PDCL2: variants seen among roughly 807,000 people sequenced by gnomAD.
The protein encoded by PDCL2 is phosducin-like protein 2.
Under a neutral mutation model 30.3 loss-of-function variants are expected in PDCL2, and 23 were observed. The ratio of observed to expected loss-of-function variants is 0.76; its 90% CI spans 0.55 to 1.08. The LOEUF (loss-of-function observed/expected upper bound fraction) is 1.08, where lower values mean the gene tolerates loss of function less well. PDCL2 is among the 50% of genes least tolerant of loss of function. PDCL2 has a pLI of 0.00. For missense variants in PDCL2, 243 were observed against 282.3 expected (o/e 0.86, Z 1.00); for synonymous variants, 68 against 86.2 (o/e 0.79, Z 1.17).
intron 1 of PDCL2, among the ~76,000 whole-genome samples, chr4:55,590,130 G>T (rs1732961346): frequency 7.0e-6 from 1 of 141,880 alleles, no homozygotes; most frequent in Non-Finnish European, 1.5e-5. Flanking sequence ...CCGGGAGGTG[G>T]AGGTTGCAGT....
intron 4 of PDCL2, among the ~76,000 whole-genome samples, chr4:55,565,576 T>TTTA (rs1732239960): frequency 6.6e-6 from 1 of 152,092 alleles, no homozygotes; most frequent in Non-Finnish European, 1.5e-5. Flanking sequence ...ATGATTAAAT[T>TTTA]ACCTCCCGCC....
At chr4:55,566,260 G>A (rs1360739172) in intron 4 of PDCL2, among the ~76,000 whole-genome samples, 1 of 151,682 alleles carries the variant, frequency 6.6e-6, no homozygotes, top group Non-Finnish European at 1.5e-5. Flanking sequence ...GGGATTACAG[G>A]CATGAGCCAC....
intron 5 of PDCL2, among the ~76,000 whole-genome samples, chr4:55,559,595 A>G (rs987413255): frequency 2.0e-5 from 3 of 152,214 alleles, no homozygotes; most frequent in African/African-American, 7.2e-5. Flanking sequence ...AGAAGACCAG[A>G]TAGTTCTTTT....
chr4:55,567,899 C>G (rs1262775111), intron 4 of PDCL2, among the ~76,000 whole-genome samples: 1 of 152,144 alleles, frequency 6.6e-6, no homozygotes. Context: ...TGTGCCCCAG[C>G]CTCTTCCTTT....
intron 1 of PDCL2, among the ~76,000 whole-genome samples, chr4:55,591,551 T>A (rs554412089): frequency 3.5e-4 from 53 of 152,254 alleles, no homozygotes; most frequent in African/African-American, 1.2e-3. Flanking sequence ...CACGCCCAGG[T>A]AATTTTTGTA....
chr4:55,567,809 T>A (rs1275920003), intron 4 of PDCL2, among the ~76,000 whole-genome samples: 3 of 152,168 alleles, frequency 2.0e-5, no homozygotes, highest in Non-Finnish European at 4.4e-5. Flanking sequence ...TAAAGGGAGA[T>A]CATATCCAAA....
In PDCL2 at chr4:55,571,579, C is replaced by T. The variant is rs1274356737; in HGVS notation, c.219-1718G>A. Among the ~76,000 whole-genome samples, 5 of 67,314 alleles carry T rather than the reference C, an allele frequency of 7.4e-5. 2 individuals are homozygous for T. Among genetic ancestry groups the T allele is most frequent in the Non-Finnish European group, 1.1e-4 (4 of 35,680 alleles). 44.2% of individuals were successfully genotyped at this position (67,314 alleles called of 152,430 possible). On this transcript the variant is annotated intron_variant, in intron 3 of 5. Coordinates refer to ENST00000295645, the MANE Select transcript of PDCL2 (RefSeq NM_152401.3). ...GCGGGCGCCTGTGGTCCCAGCTACT[C>T]GGGAGGCTGAGGCAGGAGAATCACT... is the stretch of plus-strand genomic sequence containing the variant.
rs1271903780 is a variant in PDCL2, at chr4:55,569,823, T to C, written c.257A>G (p.Lys86Arg). 2 of 1,559,292 alleles carry C rather than the reference T, an allele frequency of 1.3e-6. No individual in the cohort carries two copies. Among genetic ancestry groups the C allele is most frequent in the Non-Finnish European group, 1.7e-6 (2 of 1,148,524 alleles). ...RLQEWKALKKKQKFGELREIS... is the reference protein window; with the variant it reads ...RLQEWKALKKRQKFGELREIS... ...TTCTCTTAATTCTCCAAATTTTTGTTTTTTCTTAAGAGCTTTCCATTCCTG... is the reference window on the plus strand; with the variant it reads ...TTCTCTTAATTCTCCAAATTTTTGTCTTTTCTTAAGAGCTTTCCATTCCTG... Residue 86 changes from lysine (K) to arginine (R), a missense_variant, in exon 4 of 6, where the codon AAA (lysine) becomes AGA (arginine). Lys to Arg is a conservative substitution (Grantham distance 26). Coordinates refer to ENST00000295645, the MANE Select transcript of PDCL2 (RefSeq NM_152401.3).
chr4:55,568,613 G>GA (rs1444410791), intron 4 of PDCL2, among the ~76,000 whole-genome samples: 1 of 152,152 alleles, frequency 6.6e-6, no homozygotes, highest in Non-Finnish European at 1.5e-5. Flanking sequence ...TGGTTATGTA[G>GA]AAGAACGTTC....
intron 5 of PDCL2, among the ~76,000 whole-genome samples, chr4:55,557,951 CAAAAA>C (rs57872861): frequency 3.2e-5 from 4 of 126,306 alleles, no homozygotes; most frequent in Non-Finnish European, 1.6e-5. Context: ...ACTAAAAATA[CAAAAA>C]AAAAAAAAAA....
chr4:55,575,121 A>G (rs1017959983), intron 3 of PDCL2, among the ~76,000 whole-genome samples: 6 of 152,214 alleles, frequency 3.9e-5, no homozygotes, highest in African/African-American at 1.4e-4. Context: ...CCTAACTCCA[A>G]TAGTTAGTGT....
intron 5 of PDCL2, among the ~76,000 whole-genome samples, chr4:55,557,549 T>C (rs1321114556): frequency 6.6e-6 from 1 of 152,092 alleles, no homozygotes; most frequent in Non-Finnish European, 1.5e-5. Flanking sequence ...TAATCACCTC[T>C]TAAGGTCCCA....
chr4:55,574,273 G>A (rs1732504700), intron 3 of PDCL2, among the ~76,000 whole-genome samples: 1 of 152,112 alleles, frequency 6.6e-6, no homozygotes, highest in African/African-American at 2.4e-5. Flanking sequence ...GGTAGAGACA[G>A]GTAGGGTGAT....
intron 3 of PDCL2, among the ~76,000 whole-genome samples, chr4:55,577,349 A>G (rs1732596324): frequency 6.6e-6 from 1 of 152,226 alleles, no homozygotes; most frequent in South Asian, 2.1e-4. Flanking sequence ...AAACATTCAG[A>G]CCACAGCACC....
chr4:55,567,309 G>A (rs1391751740), intron 4 of PDCL2, among the ~76,000 whole-genome samples: 1 of 152,178 alleles, frequency 6.6e-6, no homozygotes, highest in Non-Finnish European at 1.5e-5. Flanking sequence ...GAGGCAGGAG[G>A]ATCACTTGAA....
At chr4:55,566,791 A>G (rs1732280587) in intron 4 of PDCL2, among the ~76,000 whole-genome samples, 1 of 75,866 alleles carries the variant, frequency 1.3e-5, no homozygotes, top group African/African-American at 5.0e-5. Context: ...GTGGCCCAGA[A>G]AAACCTTCTG....
At chr4:55,557,442 C>A (rs960773132) in intron 5 of PDCL2, among the ~76,000 whole-genome samples, 1 of 152,100 alleles carries the variant, frequency 6.6e-6, no homozygotes, top group Non-Finnish European at 1.5e-5. Context: ...CAAGACAGGG[C>A]TGAACTCACT....
intron 3 of PDCL2, among the ~76,000 whole-genome samples, chr4:55,576,775 G>A (rs1732580536): frequency 6.6e-6 from 1 of 152,102 alleles, no homozygotes. Context: ...AGTAGCAGAA[G>A]CAACTCCTTT....
At chr4:55,571,886 C>G (rs897183230) in intron 3 of PDCL2, among the ~76,000 whole-genome samples, 1 of 151,474 alleles carries the variant, frequency 6.6e-6, no homozygotes, top group Non-Finnish European at 1.5e-5. Context: ...ATATTTGGAA[C>G]CTAGAGTTAC....
Sources: gnomAD v4.1 joint callset for allele counts (sites outside exome capture counted in the v4.1 genomes callset) on GRCh38, gnomAD v4.1.1 for gene constraint, MANE v1.5 for transcripts, NCBI Gene and HGNC (gene_info 2026-07-23, HGNC 2026-07-21) for gene names.